The following ARFIP1 variants were observed in gnomAD, a reference collection of about 807,000 sequenced individuals.
ARFIP1 encodes arfaptin-1.
A neutral mutation model predicts 42.5 loss-of-function variants in ARFIP1; 24 were observed. The ratio of observed to expected loss-of-function variants is 0.57; its 90% CI spans 0.41 to 0.80. The LOEUF (loss-of-function observed/expected upper bound fraction) is 0.80. ARFIP1 is among the 30% of genes least tolerant of loss of function. The probability of loss-of-function intolerance (pLI) is 0.00; values close to 1 mark genes in which losing one functional copy is unlikely to be tolerated. For missense variants in ARFIP1, 354 were observed against 434.0 expected (o/e 0.82, Z 1.64); for synonymous variants, 141 against 153.7 (o/e 0.92, Z 0.61).
At chr4:152,869,345 G>A (rs1302119735) in intron 3 of ARFIP1, among the ~76,000 whole-genome samples, 1 of 152,048 alleles carries the variant, frequency 6.6e-6, no homozygotes, top group Non-Finnish European at 1.5e-5. Flanking sequence ...GCTAAACATG[G>A]AAGGACTTTA....
At chr4:152,817,118 A>G (rs1729956629) in intron 1 of ARFIP1, among the ~76,000 whole-genome samples, 1 of 152,218 alleles carries the variant, frequency 6.6e-6, no homozygotes, top group Non-Finnish European at 1.5e-5. Context: ...CTGTTGAATC[A>G]CCAGCTGTTT....
intron 1 of ARFIP1, among the ~76,000 whole-genome samples, chr4:152,790,808 ACTGCAACCT>A (rs937360983): frequency 4.5e-5 from 6 of 133,050 alleles, no homozygotes; most frequent in Admixed American, 9.1e-5. Context: ...GTCTCGGCTT[ACTGCAACCT>A]CTGCCTCCCA....
At chr4:152,863,292 C>T (rs72723692) in intron 2 of ARFIP1, among the ~76,000 whole-genome samples, 6,507 of 152,148 alleles carry the variant, frequency 0.043, 174 homozygotes, top group South Asian at 0.11. Flanking sequence ...CTTAATTTTG[C>T]TCATTAAAAT....
intron 1 of ARFIP1, among the ~76,000 whole-genome samples, chr4:152,786,694 C>G (rs7439700): frequency 0.14 from 20,936 of 152,156 alleles, 1,531 homozygotes; most frequent in Middle Eastern, 0.18. Context: ...TTATGGCTTT[C>G]CATTGCTTCT....
In ARFIP1 at chr4:152,833,992, T is replaced by C. The variant is rs113607696; in HGVS notation, c.93+4266T>C. On this transcript the variant is annotated intron_variant, in intron 2 of 8. Transcript: ENST00000353617. ...CAGGAAGTATGATGCCAACATCTGC[T>C]CAGCTTCTGGTGGGGCCTCAGGGAG... Among the ~76,000 whole-genome samples the C allele has an allele frequency of 5.7e-3, 862 of 152,266 alleles. 3 individuals carry two copies. Among genetic ancestry groups the C allele is most frequent in the Non-Finnish European group, 9.8e-3 (667 of 68,018 alleles).
At chr4:152,822,522 A>G (rs1730470425) in intron 1 of ARFIP1, among the ~76,000 whole-genome samples, 1 of 152,208 alleles carries the variant, frequency 6.6e-6, no homozygotes, top group Non-Finnish European at 1.5e-5. Flanking sequence ...CAGAAAGTCA[A>G]CAAAGAAACA....
intron 2 of ARFIP1, among the ~76,000 whole-genome samples, chr4:152,833,242 CAAAAA>C (rs141860697): frequency 0.15 from 20,731 of 136,302 alleles, 1,493 homozygotes; most frequent in African/African-American, 0.2. Context: ...AGACATTTTT[CAAAAA>C]AAAAAAAAAA....
At chr4:152,794,240 A>G (rs1731298014) in intron 1 of ARFIP1, among the ~76,000 whole-genome samples, 1 of 152,198 alleles carries the variant, frequency 6.6e-6, no homozygotes, top group Non-Finnish European at 1.5e-5. Context: ...CCAGGGTCCT[A>G]TATAGGAACT....
At chr4:152,795,992 C>G in intron 1 of ARFIP1, 1 of 567,858 alleles carries the variant, frequency 1.8e-6, no homozygotes, top group Admixed American at 2.4e-5. Flanking sequence ...TGGTAGTACT[C>G]AGAAACATTA....
chr4:152,856,344 G>A (rs1733434513), intron 2 of ARFIP1, among the ~76,000 whole-genome samples: 1 of 152,166 alleles, frequency 6.6e-6, no homozygotes, highest in African/African-American at 2.4e-5. Flanking sequence ...ACAGTCAGCT[G>A]TCTTTATCCC....
intron 8 of ARFIP1, among the ~76,000 whole-genome samples, chr4:152,903,251 A>C (rs1489099328): frequency 6.6e-6 from 1 of 152,162 alleles, no homozygotes; most frequent in African/African-American, 2.4e-5. Flanking sequence ...AGGATTGTTC[A>C]TTATGTTTTG....
chr4:152,842,092 C>T (rs972599317), intron 2 of ARFIP1, among the ~76,000 whole-genome samples: 4 of 152,116 alleles, frequency 2.6e-5, no homozygotes, highest in African/African-American at 4.8e-5. Flanking sequence ...CCTTTAAACA[C>T]GGGGCTTGCA....
chr4:152,789,576 C>G (rs182563176), intron 1 of ARFIP1, among the ~76,000 whole-genome samples: 1 of 152,110 alleles, frequency 6.6e-6, no homozygotes, highest in African/African-American at 2.4e-5. Context: ...TTATGCTTTA[C>G]CTCTTTAAGG....
At chr4:152,893,282 CT>C (rs142401369) in intron 8 of ARFIP1, among the ~76,000 whole-genome samples, 2,117 of 152,138 alleles carry the variant, frequency 0.014, 56 homozygotes, top group African/African-American at 0.048. Context: ...TTACCTCACT[CT>C]TTGCTTTCAT....
In ARFIP1 at chr4:152,804,678, T is replaced by C. The variant is rs191588420; in HGVS notation, c.-10+24452T>C. Among the ~76,000 whole-genome samples, 1,383 of 150,764 alleles carry C rather than the reference T, an allele frequency of 9.2e-3. 11 individuals are homozygous for C. Among genetic ancestry groups the C allele is most frequent in the Non-Finnish European group, 0.014 (949 of 67,804 alleles). On this transcript the variant is annotated intron_variant, in intron 1 of 8. Transcript: ENST00000353617. ...CCTAATCTTTCTGTTTTCTTATGTGTGAAGAGTATTGGTGTGAAATAGGAA... is the reference window on the plus strand; with the variant it reads ...CCTAATCTTTCTGTTTTCTTATGTGCGAAGAGTATTGGTGTGAAATAGGAA...
intron 2 of ARFIP1, among the ~76,000 whole-genome samples, chr4:152,852,402 G>A (rs766910614): frequency 1.2e-4 from 18 of 152,060 alleles, no homozygotes; most frequent in Admixed American, 9.2e-4. Context: ...AGGCTGAGGC[G>A]GGCGGATTGT....
intron 2 of ARFIP1, among the ~76,000 whole-genome samples, chr4:152,836,267 A>C (rs1307831799): frequency 1.3e-5 from 2 of 152,190 alleles, no homozygotes; most frequent in Non-Finnish European, 2.9e-5. Context: ...CTGAGAGTAG[A>C]TCTTAAGTAT....
intron 1 of ARFIP1, among the ~76,000 whole-genome samples, chr4:152,817,743 AACTC>A (rs1256257846): frequency 6.6e-6 from 1 of 152,250 alleles, no homozygotes; most frequent in Non-Finnish European, 1.5e-5. Flanking sequence ...GGACTTGTAT[AACTC>A]AACAACAACA....
At chr4:152,835,461 C>T (rs1163995982) in intron 2 of ARFIP1, among the ~76,000 whole-genome samples, 3 of 152,224 alleles carry the variant, frequency 2.0e-5, no homozygotes, top group East Asian at 1.9e-4. Context: ...ACTTTTACTT[C>T]AGTTCCCATT....
Sources: allele counts gnomAD v4.1 joint callset (sites outside exome capture counted in the v4.1 genomes callset), GRCh38; gene constraint gnomAD v4.1.1; transcripts MANE v1.5; gene names NCBI Gene and HGNC (gene_info 2026-07-23, HGNC 2026-07-21).